Variants in CDH18 observed in about 807,000 individuals in gnomAD.
The protein encoded by CDH18 is cadherin 18.
A neutral mutation model predicts 67.9 loss-of-function variants in CDH18; 31 were observed. The observed-to-expected ratio is 0.46, with a 90% CI of 0.34 to 0.62. CDH18 has a LOEUF of 0.62. Ranked by LOEUF, CDH18 falls within the 20% of genes least tolerant of loss-of-function variation. The pLI is 0.01. For missense variants in CDH18, 890 were observed against 975.5 expected (o/e 0.91, Z 1.17); for synonymous variants, 362 against 347.2 (o/e 1.04, Z -0.48).
chr5:20,288,483 T>A (rs929899867), intron 1 of CDH18, among the ~76,000 whole-genome samples: 3 of 151,698 alleles, frequency 2.0e-5, no homozygotes, highest in African/African-American at 7.3e-5. Flanking sequence ...CCATTACTTT[T>A]CTTCCTGATC....
At chr5:19,507,747 G>A (rs553097534) in intron 10 of CDH18, among the ~76,000 whole-genome samples, 4 of 152,236 alleles carry the variant, frequency 2.6e-5, no homozygotes, top group African/African-American at 9.6e-5. Flanking sequence ...ACACACTGGG[G>A]CCTGTTGTGG....
intron 2 of CDH18, among the ~76,000 whole-genome samples, chr5:20,203,419 C>CA (rs1443905421): frequency 2.6e-5 from 4 of 151,960 alleles, no homozygotes; most frequent in African/African-American, 4.8e-5. Flanking sequence ...TTCCCCTAGA[C>CA]AAAAAACACT....
intron 1 of CDH18, among the ~76,000 whole-genome samples, chr5:20,524,396 G>A (rs1263379311): frequency 6.6e-6 from 1 of 152,104 alleles, no homozygotes; most frequent in Non-Finnish European, 1.5e-5. Context: ...TGTTTGTTTA[G>A]TCAATTTGTT....
chr5:20,123,601 C>T (rs1476898111), intron 2 of CDH18, among the ~76,000 whole-genome samples: 3 of 152,066 alleles, frequency 2.0e-5, no homozygotes, highest in Admixed American at 1.3e-4. Context: ...ATTTACAGGT[C>T]GGCCCGGCGC....
intron 1 of CDH18, among the ~76,000 whole-genome samples, chr5:20,440,885 A>C (rs1749555801): frequency 6.6e-6 from 1 of 152,030 alleles, no homozygotes; most frequent in Non-Finnish European, 1.5e-5. Flanking sequence ...TGTTAAAATA[A>C]ATGAAGTAAG....
intron 3 of CDH18, among the ~76,000 whole-genome samples, chr5:19,778,380 T>C (rs1001817584): frequency 6.6e-6 from 1 of 152,190 alleles, no homozygotes; most frequent in African/African-American, 2.4e-5. Context: ...ATTAACAGTG[T>C]CTTTATCAGA....
At chr5:19,661,882 T>C (rs1404085002) in intron 5 of CDH18, among the ~76,000 whole-genome samples, 2 of 152,080 alleles carry the variant, frequency 1.3e-5, no homozygotes, top group African/African-American at 4.8e-5. Context: ...CATTTAGAAG[T>C]GCTGGGGTTA....
chr5:19,560,615 G>T (rs1216189093), intron 8 of CDH18, among the ~76,000 whole-genome samples: 1 of 152,036 alleles, frequency 6.6e-6, no homozygotes. Context: ...AAGACTTCAT[G>T]ACCAAGAATC....
chr5:20,393,078 T>A (rs1224742351), intron 1 of CDH18, among the ~76,000 whole-genome samples: 1 of 151,910 alleles, frequency 6.6e-6, no homozygotes, highest in Non-Finnish European at 1.5e-5. Context: ...CAAATATATG[T>A]GATATATATT....
chr5:19,591,317 T>C (rs1297144876), intron 6 of CDH18, 73 bp from the exon 7 acceptor site: 2 of 1,077,144 alleles, frequency 1.9e-6, no homozygotes, highest in Non-Finnish European at 2.6e-6. Context: ...AAAATAAATA[T>C]TTAGAGCACA....
chr5:20,188,168 T>G (rs1214623857), intron 2 of CDH18, among the ~76,000 whole-genome samples: 1 of 151,960 alleles, frequency 6.6e-6, no homozygotes. Flanking sequence ...TATATACAAT[T>G]TTTTAAAGCC....
intron 2 of CDH18, among the ~76,000 whole-genome samples, chr5:20,160,906 G>A (rs1751921007): frequency 6.6e-6 from 1 of 152,158 alleles, no homozygotes; most frequent in South Asian, 2.1e-4. Flanking sequence ...TTTTTAAATG[G>A]TTATAAAAAA....
rs557264723 is a variant in CDH18, at chr5:19,783,692, G to A, written c.229-36456C>T. Among the ~76,000 whole-genome samples, 17 of 152,214 alleles carry A rather than the reference G, an allele frequency of 1.1e-4. No homozygotes were observed. In the East Asian group the frequency reaches 3.3e-3, roughly 29 times the overall value. ...TAAGGAACAATTTGTGTCTTTCGTT[G>A]GGGCTTGCTATGAGGTGGAGTCTCA... On this transcript the variant is annotated intron_variant, in intron 3 of 12. Coordinates refer to ENST00000382275, the MANE Select transcript of CDH18 (RefSeq NM_004934.5).
intron 7 of CDH18, among the ~76,000 whole-genome samples, chr5:19,578,858 A>G (rs1363601161): frequency 1.3e-5 from 2 of 151,882 alleles, no homozygotes; most frequent in African/African-American, 4.8e-5. Flanking sequence ...GTTGCAGTTA[A>G]TACATTTTCA....
chr5:19,848,510 C>T (rs1783266112), intron 2 of CDH18, among the ~76,000 whole-genome samples: 1 of 152,036 alleles, frequency 6.6e-6, no homozygotes, highest in African/African-American at 2.4e-5. Context: ...AATAATGTCT[C>T]CATGGGATGT....
At chr5:19,757,845 C>G (rs1296774021) in intron 3 of CDH18, among the ~76,000 whole-genome samples, 2 of 152,216 alleles carry the variant, frequency 1.3e-5, no homozygotes, top group Non-Finnish European at 2.9e-5. Flanking sequence ...ACCACGTGCA[C>G]TGTTTGAAGT....
Position 19,472,706 on chromosome 5 carries a change from T to G in CDH18, c.*520A>C, listed in dbSNP as rs138866450. On this transcript the variant is annotated 3_prime_UTR_variant, in exon 13 of 13. Coordinates refer to ENST00000382275, the MANE Select transcript of CDH18 (RefSeq NM_004934.5). ...TCCATGATAGAGTGGAAATACCTCA[T>G]GTAATATAAACACAAGACAAGGCTA... Among the ~76,000 whole-genome samples the G allele has an allele frequency of 1.0e-3, 157 of 152,190 alleles. No individual in the cohort carries two copies. The highest frequency in any genetic ancestry group is 3.6e-3 in the African/African-American group (148 of 41,540).
At chr5:20,443,209 C>CAAAAAAAAAAAAAAAAAAAAAAAAA (rs72353299) in intron 1 of CDH18, among the ~76,000 whole-genome samples, 1 of 77,536 alleles carries the variant, frequency 1.3e-5, no homozygotes, top group Non-Finnish European at 2.3e-5. Context: ...GACTCCGTCA[C>CAAAAAAAAAAAAAAAAAAAAAAAAA]AAAAAAAAAA....
intron 3 of CDH18, among the ~76,000 whole-genome samples, chr5:19,809,984 GAA>G (rs1778469560): frequency 1.3e-5 from 2 of 152,070 alleles, no homozygotes. Flanking sequence ...TAGAAAACTT[GAA>G]AAAGACTGTT....
Sources: gnomAD v4.1 joint callset for allele counts (sites outside exome capture counted in the v4.1 genomes callset) on GRCh38, gnomAD v4.1.1 for gene constraint, MANE v1.5 for transcripts, NCBI Gene and HGNC (gene_info 2026-07-23, HGNC 2026-07-21) for gene names.